Variants in DMXL2 observed in about 807,000 individuals in gnomAD.
The protein encoded by DMXL2 is Dmx like 2, also known as dmX-like protein 2.
A neutral mutation model predicts 331.1 loss-of-function variants in DMXL2; 103 were observed. The observed-to-expected ratio is 0.31, with a 90% CI of 0.27 to 0.37. The LOEUF is 0.37. DMXL2 is among the 10% of genes least tolerant of loss of function. The pLI is 1.00. For synonymous variants in DMXL2, 1,281 were observed against 1,252.1 expected, an observed-to-expected ratio of 1.02 and a Z score of -0.49; for missense variants, 3,171 against 3,642.9, an observed-to-expected ratio of 0.87 and a Z score of 3.33.
chr15:51,507,974 G>C (rs2046511675), intron 15 of DMXL2, among the ~76,000 whole-genome samples: 2 of 152,080 alleles, frequency 1.3e-5, no homozygotes, highest in African/African-American at 4.8e-5. Context: ...ATCTAATGCA[G>C]GATAATAAAA....
intron 1 of DMXL2, among the ~76,000 whole-genome samples, chr15:51,593,381 T>G (rs191953598): frequency 4.9e-4 from 74 of 152,296 alleles, no homozygotes; most frequent in African/African-American, 1.7e-3. Flanking sequence ...TAAATATATA[T>G]GCACCTAATA....
intron 20 of DMXL2, among the ~76,000 whole-genome samples, chr15:51,489,393 A>G (rs2042628359): frequency 1.3e-5 from 2 of 152,180 alleles, no homozygotes; most frequent in Non-Finnish European, 2.9e-5. Flanking sequence ...GCAGTGGTTC[A>G]TGCCTGTAAT....
chr15:51,504,790 T>G (rs767240477), intron 16 of DMXL2, among the ~76,000 whole-genome samples: 3 of 152,176 alleles, frequency 2.0e-5, no homozygotes, highest in Non-Finnish European at 2.9e-5. Flanking sequence ...ATGTGTTTCC[T>G]TTGGCCAGGC....
chr15:51,468,832 T>C (rs1595917658), intron 29 of DMXL2, among the ~76,000 whole-genome samples: 1 of 152,218 alleles, frequency 6.6e-6, no homozygotes, highest in East Asian at 1.9e-4. Flanking sequence ...TGAAATTGGA[T>C]TTAATTTTCA....
At chr15:51,533,704 G>A (rs144209479) in intron 13 of DMXL2, among the ~76,000 whole-genome samples, 2 of 152,236 alleles carry the variant, frequency 1.3e-5, no homozygotes, top group East Asian at 3.9e-4. Flanking sequence ...TAGAAAGACT[G>A]TATTTTATTT....
chr15:51,530,893 A>G (rs2047964169), intron 13 of DMXL2, among the ~76,000 whole-genome samples: 1 of 152,232 alleles, frequency 6.6e-6, no homozygotes. Context: ...GAGGACAAAA[A>G]AAATGGAAAG....
chr15:51,509,236 C>A (rs1055288497), intron 15 of DMXL2, among the ~76,000 whole-genome samples: 2 of 150,956 alleles, frequency 1.3e-5, no homozygotes, highest in African/African-American at 4.9e-5. Flanking sequence ...GACAGAGATA[C>A]AAAAAACCCT....
intron 8 of DMXL2, among the ~76,000 whole-genome samples, chr15:51,542,711 G>A (rs561810466): frequency 6.6e-6 from 1 of 152,116 alleles, no homozygotes; most frequent in South Asian, 2.1e-4. Flanking sequence ...GCAAAAAGCA[G>A]TGTGCAAAAA....
chr15:51,602,918 T>A (rs998690061), intron 1 of DMXL2, among the ~76,000 whole-genome samples: 1 of 152,172 alleles, frequency 6.6e-6, no homozygotes, highest in Non-Finnish European at 1.5e-5. Flanking sequence ...ATTACTCATA[T>A]AAAGAACTAA....
chr15:51,499,128 C>T lies in DMXL2; in HGVS notation c.4096G>A (p.Ala1366Thr). 16 of 1,614,088 alleles carry T rather than the reference C, an allele frequency of 9.9e-6. No individual in the cohort carries two copies. Among genetic ancestry groups the T allele is most frequent in the Non-Finnish European group, 1.3e-5 (15 of 1,180,018 alleles). Residue 1366 changes from alanine to threonine, a missense_variant, in exon 18 of 44, where the codon GCC (alanine) becomes ACC (threonine). Around this residue, in one of 7 missense-constraint regions of DMXL2, gnomAD observed 1,674 missense variants for 1,780.2 expected, o/e 0.94. Transcript: ENST00000560891. Reference sequence around the variant, plus strand: ...CATTTTACTAAATGAGAGAGAATGGCTTTAGCCCTTCGCACTTTCCCTAAA... The same window carrying T: ...CATTTTACTAAATGAGAGAGAATGGTTTTAGCCCTTCGCACTTTCCCTAAA... ...MDLGKVRRAK[A>T]ILSHLVKCIA...
rs73399594 is a variant in DMXL2 at position 51,533,370 on chromosome 15, G to A, written c.2436+2293C>T. Among the ~76,000 whole-genome samples, 210 of 151,884 alleles carry A rather than the reference G, an allele frequency of 1.4e-3. 1 individual carries two copies. Among genetic ancestry groups the A allele is most frequent in the African/African-American group, 4.8e-3 (199 of 41,426 alleles). On this transcript the variant is annotated intron_variant, in intron 13 of 43. Coordinates refer to ENST00000560891, the MANE Select transcript of DMXL2 (RefSeq NM_001378457.1). Reference sequence around the variant, plus strand: ...ATTATTTGAAGGTAGACTATGAGAGGTTAAAGATGCATATTATAAAACCTT... The same window carrying A: ...ATTATTTGAAGGTAGACTATGAGAGATTAAAGATGCATATTATAAAACCTT...
At chr15:51,536,101 T>C in intron 12 of DMXL2, 65 bp downstream of exon 12, 1 of 1,347,894 alleles carries the variant, frequency 7.4e-7, no homozygotes, top group South Asian at 1.6e-5. Flanking sequence ...ATATAAACCA[T>C]TTCGTATATA....
At chr15:51,496,187 A>G (rs1045796567) in intron 18 of DMXL2, among the ~76,000 whole-genome samples, 3 of 152,120 alleles carry the variant, frequency 2.0e-5, no homozygotes, top group African/African-American at 7.2e-5. Context: ...ATTACATGTG[A>G]GGGACTCTTC....
chr15:51,579,603 A>G (rs1458851616), intron 1 of DMXL2, among the ~76,000 whole-genome samples: 1 of 152,200 alleles, frequency 6.6e-6, no homozygotes, highest in African/African-American at 2.4e-5. Flanking sequence ...ATAAATTATT[A>G]AAGTCTTCCT....
intron 6 of DMXL2, among the ~76,000 whole-genome samples, chr15:51,552,638 A>G (rs2049293337): frequency 6.6e-6 from 1 of 152,002 alleles, no homozygotes; most frequent in African/African-American, 2.4e-5. Context: ...GTTTTATTTC[A>G]GTGGTTACTC....
At position 51,545,677 on chromosome 15, in the gene DMXL2, A is replaced by C; in HGVS notation, c.836T>G (p.Leu279Trp). The C allele has an allele frequency of 1.2e-6, 2 of 1,613,766 alleles. No individual in the cohort carries two copies. The highest frequency in any genetic ancestry group is 1.7e-6 in the Non-Finnish European group (2 of 1,179,736). ...AETLLPEDCL[L>W]GEQICETTTS... Reference sequence around the variant, plus strand: ...GGTAGTCTCACAAATCTGCTCACCCAAAAGACAGTCTTCTGGTAATAAAGT... The same window carrying C: ...GGTAGTCTCACAAATCTGCTCACCCCAAAGACAGTCTTCTGGTAATAAAGT... The change falls in exon 8 of 44, where the codon TTG becomes TGG. Residue 279 changes from leucine to tryptophan, a missense_variant. Physicochemically the swap from Leu to Trp is moderately conservative, Grantham distance 61. This residue lies in a region of DMXL2 where 1,674 missense variants were observed against 1,780.2 expected (regional missense o/e 0.94). Coordinates refer to ENST00000560891, the MANE Select transcript of DMXL2 (RefSeq NM_001378457.1).
intron 41 of DMXL2, among the ~76,000 whole-genome samples, chr15:51,452,052 G>T (rs914997619): frequency 6.6e-6 from 1 of 152,190 alleles, no homozygotes; most frequent in African/African-American, 2.4e-5. Flanking sequence ...TGAAAACCAT[G>T]TGAGGTCAAA....
intron 42 of DMXL2, 46 bp from the exon 43 acceptor site, chr15:51,450,392 C>A (rs570437383): frequency 8.2e-6 from 13 of 1,578,250 alleles, no homozygotes; most frequent in South Asian, 1.1e-5. Context: ...AATTTCTTGT[C>A]TTGGTAATTA....
chr15:51,621,205 A>G (rs191783450), intron 1 of DMXL2, among the ~76,000 whole-genome samples: 1 of 152,320 alleles, frequency 6.6e-6, no homozygotes, highest in East Asian at 1.9e-4. Context: ...TCTAAACTGG[A>G]GCTAGGCCAA....
Sources: allele counts gnomAD v4.1 joint callset (sites outside exome capture counted in the v4.1 genomes callset), GRCh38; gene constraint gnomAD v4.1.1; regional missense constraint gnomAD v4.1.1; transcripts MANE v1.5; gene names NCBI Gene and HGNC (gene_info 2026-07-23, HGNC 2026-07-21).